ADGRL2: variants seen among roughly 807,000 people sequenced by gnomAD.
ADGRL2 encodes calcium-independent alpha-latrotoxin receptor 2.
ADGRL2 carries 44 observed loss-of-function variants against 157.4 expected under a neutral mutation model. The ratio of observed to expected loss-of-function variants is 0.28; its 90% CI spans 0.22 to 0.36. The LOEUF (loss-of-function observed/expected upper bound fraction) is 0.36. Ranked by LOEUF, ADGRL2 falls within the 10% of genes least tolerant of loss-of-function variation. The probability of loss-of-function intolerance (pLI) is 1.00; values close to 1 mark genes in which losing one functional copy is unlikely to be tolerated. For synonymous variants in ADGRL2, 585 were observed against 624.7 expected (o/e 0.94, Z 0.95); for missense variants, 1,510 against 1,768.9 (o/e 0.85, Z 2.63).
At chr1:81,391,657 T>C (rs2076562528) in intron 1 of ADGRL2, among the ~76,000 whole-genome samples, 1 of 109,810 alleles carries the variant, frequency 9.1e-6, no homozygotes, top group African/African-American at 3.6e-5. Flanking sequence ...CTTGCAAATG[T>C]CTGTCTATGG....
At chr1:81,969,036 A>G in intron 14 of ADGRL2, 142 bp from the exon 15 acceptor site, 1 of 627,872 alleles carries the variant, frequency 1.6e-6, no homozygotes. Flanking sequence ...TATTTTTGGT[A>G]TTGAGCCTTT....
Position 81,747,701 on chromosome 1 carries a change from T to TTA in ADGRL2, c.-142-14109_-142-14108insAT, listed in dbSNP as rs2085345901. 2.0e-5 allele frequency among the ~76,000 whole-genome samples: 3 copies of TTA among 147,254 alleles called. No individual in the cohort carries two copies. The South Asian group carries it at 6.5e-4, about 32-fold the overall frequency. On this transcript the variant is annotated intron_variant, in intron 1 of 20. Coordinates refer to the ADGRL2 transcript ENST00000359929. ...TGAAAAATAATTTTTCCTTTAATGT[T>TTA]TGTGTGTGTGTGTGTGTGTGTGTGT... is the stretch of plus-strand genomic sequence containing the variant.
chr1:81,754,182 G>A (rs1331463189), intron 1 of ADGRL2, among the ~76,000 whole-genome samples: 1 of 149,378 alleles, frequency 6.7e-6, no homozygotes, highest in Non-Finnish European at 1.5e-5. Context: ...CCCTCCTTTG[G>A]ATTTCATAGA....
chr1:81,311,975 A>AT, intron 1 of ADGRL2, among the ~76,000 whole-genome samples: 1 of 152,302 alleles, frequency 6.6e-6, no homozygotes, highest in Non-Finnish European at 1.5e-5. Flanking sequence ...AGACTTTGGC[A>AT]TTTTTTAGTA....
intron 3 of ADGRL2, among the ~76,000 whole-genome samples, chr1:81,590,967 TC>T (rs1232367736): frequency 1.3e-5 from 2 of 152,148 alleles, no homozygotes; most frequent in Non-Finnish European, 2.9e-5. Context: ...CCAGGCATAC[TC>T]TTTGAGCATA....
intron 3 of ADGRL2, among the ~76,000 whole-genome samples, chr1:81,627,199 T>C (rs974920140): frequency 1.3e-5 from 2 of 152,136 alleles, no homozygotes; most frequent in Admixed American, 1.3e-4. Context: ...TAAAGGCCCA[T>C]GAACATTTTC....
At chr1:81,320,402 A>G (rs1273853237) in intron 1 of ADGRL2, among the ~76,000 whole-genome samples, 1 of 152,216 alleles carries the variant, frequency 6.6e-6, no homozygotes, top group African/African-American at 2.4e-5. Context: ...AGAATGGTGA[A>G]TCCTTGCCAA....
At chr1:81,861,518 AAG>A (rs1320821011) in intron 2 of ADGRL2, among the ~76,000 whole-genome samples, 1 of 152,192 alleles carries the variant, frequency 6.6e-6, no homozygotes, top group East Asian at 1.9e-4. Flanking sequence ...GTGTTATACT[AAG>A]AGAAATTTAT....
At chr1:81,549,160 G>A (rs76472916) in intron 2 of ADGRL2, among the ~76,000 whole-genome samples, 2,272 of 152,250 alleles carry the variant, frequency 0.015, 55 homozygotes, top group African/African-American at 0.052. Flanking sequence ...GTATTACCAA[G>A]CAGATCCTTT....
intron 1 of ADGRL2, among the ~76,000 whole-genome samples, chr1:81,831,847 T>G (rs996614580): frequency 6.6e-6 from 1 of 152,104 alleles, no homozygotes; most frequent in Non-Finnish European, 1.5e-5. Flanking sequence ...TAAATATTTG[T>G]TGAAGGAATA....
At chr1:81,461,935 G>GT (rs1491485876) in intron 2 of ADGRL2, among the ~76,000 whole-genome samples, 4 of 146,804 alleles carry the variant, frequency 2.7e-5, no homozygotes, top group Non-Finnish European at 6.1e-5. Flanking sequence ...AAGAAAGGGG[G>GT]GGGGGGGTGG....
intron 1 of ADGRL2, among the ~76,000 whole-genome samples, chr1:81,816,815 C>G (rs1399911345): frequency 6.6e-6 from 1 of 151,956 alleles, no homozygotes; most frequent in African/African-American, 2.4e-5. Flanking sequence ...ATTCAACCTA[C>G]AAAATAAAAC....
At chr1:81,748,227 C>T (rs2085364184) in intron 1 of ADGRL2, among the ~76,000 whole-genome samples, 1 of 151,302 alleles carries the variant, frequency 6.6e-6, no homozygotes, top group South Asian at 2.1e-4. Flanking sequence ...GCCTGTAATC[C>T]CAGCATTTTA....
At chr1:81,910,814 T>G (rs1235987439) in intron 3 of ADGRL2, among the ~76,000 whole-genome samples, 1 of 152,022 alleles carries the variant, frequency 6.6e-6, no homozygotes, top group South Asian at 2.1e-4. Flanking sequence ...AAATGTGATA[T>G]TCAGTCATGT....
chr1:81,334,112 G>A (rs1419898772), intron 1 of ADGRL2, among the ~76,000 whole-genome samples: 1 of 152,142 alleles, frequency 6.6e-6, no homozygotes, highest in Non-Finnish European at 1.5e-5. Flanking sequence ...ACCAACACAG[G>A]ACTTTTCCTG....
intron 2 of ADGRL2, among the ~76,000 whole-genome samples, chr1:81,463,637 C>T (rs1257688715): frequency 6.6e-6 from 1 of 152,100 alleles, no homozygotes; most frequent in African/African-American, 2.4e-5. Flanking sequence ...TTTTATGTGT[C>T]GTGGATTCTC....
intron 1 of ADGRL2, among the ~76,000 whole-genome samples, chr1:81,418,048 A>G (rs1157940470): frequency 2.0e-5 from 3 of 152,194 alleles, no homozygotes; most frequent in African/African-American, 4.8e-5. Context: ...TGCTCTAACC[A>G]CATTCACCTG....
At chr1:81,492,231 CTT>C (rs1034552377) in intron 2 of ADGRL2, among the ~76,000 whole-genome samples, 1 of 152,030 alleles carries the variant, frequency 6.6e-6, no homozygotes. Flanking sequence ...ACGCTCATGA[CTT>C]TGCATATGTG....
chr1:81,900,908 T>C (rs544137896), intron 2 of ADGRL2, among the ~76,000 whole-genome samples: 1 of 151,936 alleles, frequency 6.6e-6, no homozygotes, highest in Non-Finnish European at 1.5e-5. Flanking sequence ...GAGCCGAGGC[T>C]AAAAAATAAA....
Sources: allele counts gnomAD v4.1 joint callset (sites outside exome capture counted in the v4.1 genomes callset), GRCh38; gene constraint gnomAD v4.1.1; transcripts MANE v1.5; gene names NCBI Gene and HGNC (gene_info 2026-07-23, HGNC 2026-07-21).